SIGLEC1: variants seen among roughly 807,000 people sequenced by gnomAD.
The protein encoded by SIGLEC1 is sialoadhesin.
SIGLEC1 carries 132 observed loss-of-function variants against 148.0 expected under a neutral mutation model. The observed-to-expected ratio is 0.89, with a 90% CI of 0.77 to 1.03. The LOEUF (loss-of-function observed/expected upper bound fraction) is 1.03. Among genes scored for constraint, SIGLEC1 ranks in the 50% least tolerant of loss-of-function variants. The probability of loss-of-function intolerance (pLI) is 0.00; values close to 1 mark genes in which losing one functional copy is unlikely to be tolerated. For synonymous variants in SIGLEC1, 945 were observed against 969.0 expected, an observed-to-expected ratio of 0.98 and a Z score of 0.46; for missense variants, 2,253 against 2,271.4, an observed-to-expected ratio of 0.99 and a Z score of 0.16.
Position 3,696,141 on chromosome 20 carries a change from A to ACACACAC in SIGLEC1, c.2683+444_2683+445insGTGTGTG, listed in dbSNP as rs371507046. 3.6e-3 allele frequency among the ~76,000 whole-genome samples: 524 copies of ACACACAC among 145,170 alleles called. 4 individuals carry two copies. The highest frequency in any genetic ancestry group is 9.0e-3 in the East Asian group (45 of 5,024). The stretch of plus-strand genomic sequence containing the variant: ...GAGACTATATATATACACACACACA[A>ACACACAC]ACACACACACACACACACACACACA... On this transcript the variant is annotated intron_variant, in intron 11 of 21. Transcript: ENST00000344754.
Position 3,697,788 on chromosome 20 carries a change from C to T in SIGLEC1, c.2122+10G>A, listed in dbSNP as rs376357466. On this transcript the variant is annotated intron_variant, in intron 9 of 21. Transcript: ENST00000344754. The stretch of plus-strand genomic sequence containing the variant: ...CTGCCCCCAGGCCACCCATTCCCTG[C>T]CTGACTCACCCTGGCCATTGAAGGT... 2.5e-6 allele frequency: 4 copies of T among 1,611,816 alleles called. No individual in the cohort carries two copies. Among genetic ancestry groups the T allele is most frequent in the Non-Finnish European group, 3.4e-6 (4 of 1,179,486 alleles).
At position 3,693,520 on chromosome 20, in the gene SIGLEC1, G is replaced by C. The variant is rs2088787928; in HGVS notation, c.3435C>G (p.Thr1145=). Residue 1145 remains threonine, a synonymous_variant, in exon 14 of 22, where the codon ACC becomes ACG. Transcript: ENST00000344754. ...GGGGGCCCACACCGCAGCGGTAGGA[G>C]GTGGCATCCCTGACTGTGACGTTGG... ...PLPNVTVRDA[T]SYRCGVGPPG... The C allele has an allele frequency of 6.2e-7, 1 of 1,611,506 alleles. No homozygotes were observed. Among genetic ancestry groups the C allele is most frequent in the African/African-American group, 1.3e-5 (1 of 74,918 alleles).
rs2088719463 is a variant in SIGLEC1 at position 3,688,344 on chromosome 20, C to G, written c.*216G>C. 2.5e-5 allele frequency: 15 copies of G among 589,710 alleles called. 1 individual carries two copies. The South Asian group carries it at 2.7e-4, about 11-fold the overall frequency. 36.5% of individuals were successfully genotyped at this position (589,710 alleles called of 1,614,324 possible). Reference sequence around the variant, plus strand: ...AGAGCGAGATCAGCTCAGTGCTCTTCAGTGTCCTCCAGGGTCAACACCCTC... The same window carrying G: ...AGAGCGAGATCAGCTCAGTGCTCTTGAGTGTCCTCCAGGGTCAACACCCTC... On this transcript the variant is annotated 3_prime_UTR_variant, in exon 22 of 22. Coordinates refer to ENST00000344754, the MANE Select transcript of SIGLEC1 (RefSeq NM_023068.4).
chr20:3,696,120 C>CTA (rs1555847913), intron 11 of SIGLEC1, among the ~76,000 whole-genome samples: 5,691 of 105,972 alleles, frequency 0.054, 142 homozygotes, highest in Non-Finnish European at 0.072. Flanking sequence ...TTTATAGAGA[C>CTA]TATATATATA....
Position 3,703,378 on chromosome 20 carries a change from G to A in SIGLEC1, c.1047C>T (p.Pro349=). Residue 349 remains proline (P), a synonymous_variant, in exon 6 of 22, where the codon CCC becomes CCT. Coordinates refer to ENST00000344754, the MANE Select transcript of SIGLEC1 (RefSeq NM_023068.4). ...NQTVTLVCNT[P]NEAPSDLRYS... Reference sequence around the variant, plus strand: ...AGCGGAGATCACTGGGTGCCTCATTGGGTGTGTTGCAGACTAGTGTCACTG... The same window carrying A: ...AGCGGAGATCACTGGGTGCCTCATTAGGTGTGTTGCAGACTAGTGTCACTG... 1 of 1,612,034 alleles carries A rather than the reference G, an allele frequency of 6.2e-7. No homozygotes were observed. The highest frequency in any genetic ancestry group is 8.5e-7 in the Non-Finnish European group (1 of 1,178,900).
chr20:3,701,524 C>A lies in SIGLEC1; in HGVS notation c.1346G>T (p.Gly449Val), dbSNP rs1262146669. ...PLATLVLSHGGHILASTSGDS... is the reference protein window; with the variant it reads ...PLATLVLSHGVHILASTSGDS... The stretch of plus-strand genomic sequence containing the variant: ...CCCGGAGGTGGAGGCCAGGATATGA[C>A]CCCCATGTGACAGCACCAGTGTGGC... The change falls in exon 7 of 22, where the codon GGT (glycine) becomes GTT (valine). Residue 449 changes from glycine (G) to valine (V), a missense_variant. Physicochemically the swap from Gly to Val is moderately radical, Grantham distance 109. Coordinates refer to ENST00000344754, the MANE Select transcript of SIGLEC1 (RefSeq NM_023068.4). 1.2e-6 allele frequency: 2 copies of A among 1,613,630 alleles called. No individual in the cohort carries two copies. Among genetic ancestry groups the A allele is most frequent in the Non-Finnish European group, 8.5e-7 (1 of 1,179,896 alleles).
In SIGLEC1 at chr20:3,688,201, G is replaced by A; in HGVS notation, c.*359C>T. 2.9e-6 allele frequency: 1 copy of A among 342,882 alleles called. No individual in the cohort carries two copies. Among genetic ancestry groups the A allele is most frequent in the Non-Finnish European group, 5.6e-6 (1 of 178,650 alleles). 21.2% of individuals were successfully genotyped at this position (342,882 alleles called of 1,614,324 possible). ...ACAGAATGCCTTGGTGAGCCTCTGA[G>A]GATGCAGGATGCTGCAATCCAACCA... On this transcript the variant is annotated 3_prime_UTR_variant, in exon 22 of 22. Transcript: ENST00000344754.
chr20:3,694,258 C>T lies in SIGLEC1; in HGVS notation c.3219G>A (p.Leu1073=). The T allele has an allele frequency of 3.1e-6, 5 of 1,612,650 alleles. No homozygotes were observed. Among genetic ancestry groups the T allele is most frequent in the South Asian group, 1.1e-5 (1 of 91,062 alleles). Residue 1073 remains leucine, a synonymous_variant, in exon 13 of 22, where the codon CTG becomes CTA. Transcript: ENST00000344754. The part of the protein sequence containing the change: ...GVYICEASNT[L]GQASASADFD... ...AGTCAGCTGAGGCCGAGGCCTGGCC[C>T]AGGGTGTTGGAGGCCTCACAGATAT...
In SIGLEC1 at chr20:3,693,566, T is replaced by C. The variant is rs1211156646; in HGVS notation, c.3389A>G (p.Asp1130Gly). The change falls in exon 14 of 22, where the codon GAT becomes GGT. Residue 1130 changes from aspartate (D) to glycine (G), a missense_variant. Coordinates refer to ENST00000344754, the MANE Select transcript of SIGLEC1 (RefSeq NM_023068.4). ...TWYQDGQQRL[D>G]AHSIPLPNVT... is the part of the protein sequence containing the mutation. ...GTTGGGCAGGGGGATGGAGTGGGCA[T>C]CCAGGCGCTGCTGCCCATCCTGGTA... 3.7e-6 allele frequency: 6 copies of C among 1,612,642 alleles called. No individual in the cohort carries two copies. The highest frequency in any genetic ancestry group is 5.1e-6 in the Non-Finnish European group (6 of 1,179,552).
intron 6 of SIGLEC1, 165 bp downstream of exon 6, chr20:3,703,032 G>A (rs1423434018): frequency 2.9e-6 from 2 of 693,116 alleles, no homozygotes; most frequent in South Asian, 3.6e-5. Flanking sequence ...GAACTAGGGA[G>A]GTCAAAGCAT....
At chr20:3,697,380 G>A (rs1328971687) in intron 9 of SIGLEC1, 38 bp from the exon 10 acceptor site, 3 of 1,608,232 alleles carry the variant, frequency 1.9e-6, no homozygotes, top group Non-Finnish European at 2.6e-6. Flanking sequence ...ACCACCCCCG[G>A]CCCCCAGGAG....
In SIGLEC1 at chr20:3,710,596, C is replaced by G. The variant is rs2087922721; in HGVS notation, c.-110+1874G>C. On this transcript the variant is annotated intron_variant, in intron 1 of 21. Coordinates refer to ENST00000344754, the MANE Select transcript of SIGLEC1 (RefSeq NM_023068.4). This position sits in a 1 kb window ranked among gnomAD's most constrained non-coding sequence, Gnocchi z 4.6. ...CCGTGAAGAAAAGCAGCCTGCTGGGCACACTGGGGGTCAGATGTGTCCCTG... is the reference window on the plus strand; with the variant it reads ...CCGTGAAGAAAAGCAGCCTGCTGGGGACACTGGGGGTCAGATGTGTCCCTG... 6.6e-6 allele frequency among the ~76,000 whole-genome samples: 1 copy of G among 152,180 alleles called. No individual in the cohort carries two copies. Among genetic ancestry groups the G allele is most frequent in the Non-Finnish European group, 1.5e-5 (1 of 68,032 alleles).
Position 3,701,385 on chromosome 20 carries a change from G to A in SIGLEC1, c.1485C>T (p.Asn495=). 6.2e-7 allele frequency: 1 copy of A among 1,613,964 alleles called. No homozygotes were observed. The highest frequency in any genetic ancestry group is 8.5e-7 in the Non-Finnish European group (1 of 1,179,852). ...GGGTGGAGGTTGCATTTCCAAGGGA[G>A]TTGGTGGCTGAGCACTTGTACTCCC... ...DSGEYKCSAT[N]SLGNATSTLD... is the part of the protein sequence containing the mutation. Residue 495 remains asparagine (N), a synonymous_variant, in exon 7 of 22, where the codon AAC becomes AAT. Transcript: ENST00000344754.
chr20:3,706,647 G>T lies in SIGLEC1; in HGVS notation c.109C>A (p.Leu37Met), dbSNP rs899002058. Residue 37 changes from leucine (L) to methionine (M), a missense_variant, in exon 3 of 22, where the codon CTG (leucine) becomes ATG (methionine). Physicochemically the swap from Leu to Met is conservative, Grantham distance 15 (BLOSUM62 2). Coordinates refer to ENST00000344754, the MANE Select transcript of SIGLEC1 (RefSeq NM_023068.4). ...QDVQGVKGSC[L>M]LIPCIFSFPA... ...AAGCTGAAGATGCAGGGGATAAGCA[G>T]GCAAGACCCCTTCACACCCTGCACG... 1.3e-5 allele frequency: 20 copies of T among 1,576,514 alleles called. No homozygotes were observed. The Admixed American group carries it at 2.6e-4, about 20-fold the overall frequency.
rs2087875121 is a variant in SIGLEC1 at position 3,704,106 on chromosome 20, A to AG, written c.707-16dup. ...CTTGGGGGCATCTGCAAGTCACAGT[A>AG]GGGGGTATTGGGTAAGGTGCTTGGG... On this transcript the variant is annotated splice_polypyrimidine_tract_variant and intron_variant, in intron 4 of 21. Coordinates refer to ENST00000344754, the MANE Select transcript of SIGLEC1 (RefSeq NM_023068.4). 1 of 1,608,086 alleles carries AG rather than the reference A, an allele frequency of 6.2e-7. No individual in the cohort carries two copies. Among genetic ancestry groups the AG allele is most frequent in the Non-Finnish European group, 8.5e-7 (1 of 1,177,046 alleles).
In SIGLEC1 at chr20:3,694,886, T is replaced by C; in HGVS notation, c.2721A>G (p.Gln907=). The C allele has an allele frequency of 6.2e-7, 1 of 1,613,106 alleles. No individual in the cohort carries two copies. ...WVQVSPSPEL[Q]EGQAVVLSCQ... is the part of the protein sequence containing the mutation. ...AGCTCAGGACCACAGCCTGGCCCTC[T>C]TGGAGCTCAGGTGATGGTGACACCT... The change falls in exon 12 of 22, where the codon CAA becomes CAG. Residue 907 remains glutamine (Q), a synonymous_variant. Transcript: ENST00000344754.
chr20:3,712,596 G>A lies in SIGLEC1; in HGVS notation c.-236C>T, dbSNP rs1039793092. ...TGCCGGCTCAAGAGAGAAGGATCCCGTATCAGGGGCTGCTTCCTCTTTCCC... is the reference window on the plus strand; with the variant it reads ...TGCCGGCTCAAGAGAGAAGGATCCCATATCAGGGGCTGCTTCCTCTTTCCC... On this transcript the variant is annotated 5_prime_UTR_variant, in exon 1 of 22. It adds an upstream start codon to the 5' untranslated region. Coordinates refer to ENST00000344754, the MANE Select transcript of SIGLEC1 (RefSeq NM_023068.4). Among the ~76,000 whole-genome samples, 5 of 152,294 alleles carry A rather than the reference G, an allele frequency of 3.3e-5. No individual in the cohort carries two copies. The highest frequency in any genetic ancestry group is 3.9e-4 in the East Asian group (2 of 5,180).
chr20:3,703,501 C>A, intron 5 of SIGLEC1, 50 bp from the exon 6 acceptor site: 1 of 1,538,314 alleles, frequency 6.5e-7, no homozygotes. Context: ...AACTTCCAGC[C>A]CCAGCCCCAT....
intron 2 of SIGLEC1, 32 bp downstream of exon 2, chr20:3,707,048 T>C: frequency 6.2e-7 from 1 of 1,608,786 alleles, no homozygotes; most frequent in Non-Finnish European, 8.5e-7. Context: ...GGCTGGACCC[T>C]GGAAGACAGG....
Sources: allele counts gnomAD v4.1 joint callset (sites outside exome capture counted in the v4.1 genomes callset), GRCh38; gene constraint gnomAD v4.1.1; non-coding constraint Gnocchi (gnomAD v3.1); transcripts MANE v1.5; gene names NCBI Gene and HGNC (gene_info 2026-07-23, HGNC 2026-07-21).